The following CCPG1 variants were observed in gnomAD, a reference collection of about 807,000 sequenced individuals.
CCPG1 encodes the protein cell cycle progression 1.
In CCPG1, 46 loss-of-function variants were observed where a neutral mutation model predicts 81.3. The ratio of observed to expected loss-of-function variants is 0.57; its 90% CI spans 0.45 to 0.72. CCPG1 has a LOEUF of 0.72. Among genes scored for constraint, CCPG1 ranks in the 30% least tolerant of loss-of-function variants. CCPG1 has a pLI of 0.00. For synonymous variants in CCPG1, 330 were observed against 305.2 expected (o/e 1.08, Z -0.85); for missense variants, 902 against 937.6 (o/e 0.96, Z 0.50).
At position 55,355,813 on chromosome 15, in the gene CCPG1, A is replaced by AATC. The variant is rs1162571684; in HGVS notation, c.*406_*407insGAT. 4.5e-6 allele frequency: 1 copy of AATC among 223,356 alleles called. No individual in the cohort carries two copies. Among genetic ancestry groups the AATC allele is most frequent in the East Asian group, 1.2e-4 (1 of 8,424 alleles). The allele number at this position is 223,356 out of a possible 1,614,324, so 13.8% of individuals were successfully genotyped here. On this transcript the variant is annotated 3_prime_UTR_variant, in exon 9 of 9. Coordinates refer to ENST00000442196, the MANE Select transcript of CCPG1 (RefSeq NM_001204450.2). Reference sequence around the variant, plus strand: ...AGTGTAAGATTATAAAATGTTAATGATGAAATTCCAGAACAATGTACTTTT... The same window carrying AATC: ...AGTGTAAGATTATAAAATGTTAATGAATCTGAAATTCCAGAACAATGTACTTTT...
intron 1 of CCPG1, among the ~76,000 whole-genome samples, chr15:55,396,512 A>G (rs1045623097): frequency 1.3e-5 from 2 of 152,208 alleles, no homozygotes; most frequent in African/African-American, 4.8e-5. Flanking sequence ...TACTGAAATC[A>G]TCTTCCTGCT....
rs764281258 is a variant in CCPG1 at position 55,360,691 on chromosome 15, T to G, written c.1082A>C (p.Glu361Ala). ...AAGAAAGCTGTGTTTTTTCTGCTTT[T>G]CCTCTTCCAAATGCTGCTTAAGTTT... The part of the protein sequence containing the change: ...NQKLKQHLEE[E>A]KQKKHSFLSQ... Residue 361 changes from glutamate to alanine, a missense_variant, in exon 8 of 9, where the codon GAA becomes GCA. Physicochemically the swap from Glu to Ala is moderately radical, Grantham distance 107. Coordinates refer to ENST00000442196, the MANE Select transcript of CCPG1 (RefSeq NM_001204450.2). 1 of 1,613,842 alleles carries G rather than the reference T, an allele frequency of 6.2e-7. No homozygotes were observed. The highest frequency in any genetic ancestry group is 1.1e-5 in the South Asian group (1 of 90,952).
chr15:55,404,742 C>A (rs2057184896), intron 1 of CCPG1, among the ~76,000 whole-genome samples: 1 of 152,108 alleles, frequency 6.6e-6, no homozygotes, highest in Non-Finnish European at 1.5e-5. Flanking sequence ...AGAGACCAGC[C>A]TGGGAAACAT....
At chr15:55,359,044 G>A in intron 8 of CCPG1, 1 of 983,972 alleles carries the variant, frequency 1.0e-6, no homozygotes, top group Non-Finnish European at 1.2e-6. Context: ...AGATAATTAT[G>A]TGACTAAGTA....
intron 2 of CCPG1, among the ~76,000 whole-genome samples, chr15:55,386,896 C>A (rs201008659): frequency 9.8e-5 from 14 of 143,468 alleles, no homozygotes; most frequent in African/African-American, 1.0e-4. Flanking sequence ...GACTCCATCT[C>A]AAAAAAAAAA....
In CCPG1 at chr15:55,387,249, C is replaced by T. The variant is rs79024225; in HGVS notation, c.61-1535G>A. ...TGCCAGACAGAGGTCTGCTGTCATA[C>T]TCCACCCTGCAGACTAACAGGTAAG... is the stretch of plus-strand genomic sequence containing the variant. On this transcript the variant is annotated intron_variant, in intron 2 of 8. Transcript: ENST00000442196. 1.4e-3 allele frequency among the ~76,000 whole-genome samples: 215 copies of T among 152,338 alleles called. 2 individuals are homozygous for T. In the East Asian group the frequency reaches 0.028, roughly 20 times the overall value.
chr15:55,403,888 T>C (rs1054335619), intron 1 of CCPG1, among the ~76,000 whole-genome samples: 2 of 152,262 alleles, frequency 1.3e-5, no homozygotes, highest in Non-Finnish European at 2.9e-5. Flanking sequence ...GCTGTGTTCA[T>C]GTTCTTAACA....
At chr15:55,367,957 T>G (rs541225068) in intron 6 of CCPG1, among the ~76,000 whole-genome samples, 24 of 152,314 alleles carry the variant, frequency 1.6e-4, no homozygotes, top group Non-Finnish European at 3.4e-4. Flanking sequence ...AGCAAAAAGT[T>G]CCGGCACTTT....
rs754175217 is a variant in CCPG1, at chr15:55,359,481, C to G, written c.2234+58G>C. The G allele has an allele frequency of 5.3e-6, 8 of 1,513,404 alleles. No homozygotes were observed. In the South Asian group the frequency reaches 8.3e-5, roughly 16 times the overall value. The allele number at this position is 1,513,404 out of a possible 1,614,324, so 93.7% of individuals were successfully genotyped here. On this transcript the variant is annotated intron_variant, in intron 8 of 8. Transcript: ENST00000442196. ...AGAAACTCATCAAATCATAAAAATG[C>G]TATCCAATCTACAAATGTTACAAAC...
At position 55,360,627 on chromosome 15, in the gene CCPG1, T is replaced by G. The variant is rs761860375; in HGVS notation, c.1146A>C (p.Leu382=). 7 of 1,614,212 alleles carry G rather than the reference T, an allele frequency of 4.3e-6. No homozygotes were observed. Among genetic ancestry groups the G allele is most frequent in the Middle Eastern group, 3.3e-4 (2 of 6,062 alleles). ...GTCGTTCTCTCTCCAGTTCTCTCTT[T>G]AGCATCTTTGCTTCTGTCAACAGAG... The part of the protein sequence containing the change: ...RETLLTEAKM[L]KRELERERLV... The change falls in exon 8 of 9, where the codon CTA becomes CTC. Residue 382 remains leucine (L), a synonymous_variant. Transcript: ENST00000442196.
At chr15:55,400,086 A>AAT (rs1409879083) in intron 1 of CCPG1, among the ~76,000 whole-genome samples, 2 of 151,226 alleles carry the variant, frequency 1.3e-5, no homozygotes, top group African/African-American at 4.9e-5. Context: ...AGGAGCCTTT[A>AAT]ATCCCAGCTA....
chr15:55,385,903 T>C (rs1227681300), intron 2 of CCPG1, among the ~76,000 whole-genome samples, 189 bp from the exon 3 acceptor site: 1 of 152,182 alleles, frequency 6.6e-6, no homozygotes, highest in Non-Finnish European at 1.5e-5. Context: ...AATGGCACAA[T>C]GGAGTCTCAG....
chr15:55,404,242 G>A (rs1314148277), intron 1 of CCPG1, among the ~76,000 whole-genome samples: 1 of 152,088 alleles, frequency 6.6e-6, no homozygotes, highest in African/African-American at 2.4e-5. Flanking sequence ...CGTGTTACCA[G>A]TGTTTTTTGT....
intron 1 of CCPG1, among the ~76,000 whole-genome samples, chr15:55,395,613 G>A (rs7169776): frequency 1.3e-5 from 2 of 151,906 alleles, no homozygotes; most frequent in Non-Finnish European, 2.9e-5. Flanking sequence ...TACCTCCACC[G>A]AAACTCCTCT....
chr15:55,406,450 G>GTTTTTTTTTTTTTTTTTTTTTTTTTTGT (rs751788415), intron 1 of CCPG1, among the ~76,000 whole-genome samples: 1 of 89,068 alleles, frequency 1.1e-5, no homozygotes, highest in Non-Finnish European at 2.4e-5. Context: ...TTTTTTTTTT[G>GTTTTTTTTTTTTTTTTTTTTTTTTTTGT]TTTTTTTTTT....
rs766486512 is a variant in CCPG1, at chr15:55,359,725, T to A, written c.2048A>T (p.Lys683Met). Residue 683 changes from lysine (K) to methionine (M), a missense_variant, in exon 8 of 9, where the codon AAG (lysine) becomes ATG (methionine). Coordinates refer to ENST00000442196, the MANE Select transcript of CCPG1 (RefSeq NM_001204450.2). The stretch of plus-strand genomic sequence containing the variant: ...TATAAAGACACCGTTTAGGAAAAAC[T>A]TATTGATGAACTGATCAAGTTCGTT... ...HWNELDQFIN[K>M]FFLNGVFIHD... is the part of the protein sequence containing the mutation. 1.2e-6 allele frequency: 2 copies of A among 1,613,636 alleles called. No homozygotes were observed. Among genetic ancestry groups the A allele is most frequent in the Admixed American group, 3.3e-5 (2 of 60,020 alleles).
At chr15:55,403,234 C>T (rs1330333204) in intron 1 of CCPG1, among the ~76,000 whole-genome samples, 1 of 152,124 alleles carries the variant, frequency 6.6e-6, no homozygotes, top group Non-Finnish European at 1.5e-5. Flanking sequence ...CTATTATTTA[C>T]AAATTCCAAA....
chr15:55,389,538 G>C, intron 1 of CCPG1, 105 bp from the exon 2 acceptor site: 1 of 755,088 alleles, frequency 1.3e-6, no homozygotes, highest in African/African-American at 1.7e-5. Context: ...TGTCTTCCAG[G>C]TGAAACAGAG....
At chr15:55,383,564 A>G (rs1212075903) in intron 3 of CCPG1, among the ~76,000 whole-genome samples, 2 of 152,206 alleles carry the variant, frequency 1.3e-5, no homozygotes, top group African/African-American at 4.8e-5. Flanking sequence ...TCCAATAGAA[A>G]GTTGTGTCAT....
Sources: allele counts gnomAD v4.1 joint callset (sites outside exome capture counted in the v4.1 genomes callset), GRCh38; gene constraint gnomAD v4.1.1; transcripts MANE v1.5; gene names NCBI Gene and HGNC (gene_info 2026-07-23, HGNC 2026-07-21).